Variants in LAS1L observed in about 807,000 individuals in gnomAD.
LAS1L encodes ribosomal biogenesis protein LAS1L.
Under a neutral mutation model 57.3 loss-of-function variants are expected in LAS1L, and 5 were observed. That is an observed-to-expected ratio of 0.09 (90% CI 0.05 to 0.18). The LOEUF is 0.18. Ranked by LOEUF, LAS1L falls within the 10% of genes least tolerant of loss-of-function variation. LAS1L has a pLI of 1.00. For synonymous variants in LAS1L, 245 were observed against 231.7 expected (o/e 1.06, Z -0.52); for missense variants, 360 against 568.3 (o/e 0.63, Z 3.73).
rs1206113582 is a variant in LAS1L, at chrX:65,521,032, A to G, written c.1448+2528T>C. ...TCTCCTCCCAATTGCCCACCCATCC[A>G]CATCACTTCTAGTCTGGAGCACACA... On this transcript the variant is annotated intron_variant, in intron 11 of 13. Transcript: ENST00000374811. The G allele has an allele frequency of 4.0e-6, 3 of 751,790 alleles. No individual in the cohort carries two copies. The East Asian group carries it at 4.6e-4, about 114-fold the overall frequency. 62.0% of individuals were successfully genotyped at this position (751,790 alleles called of 1,213,427 possible). A position where few individuals can be genotyped will look rare whatever the true frequency, so the allele number is the denominator to read the frequency against.
chrX:65,520,917 C>T (rs2068823785), intron 11 of LAS1L: 1 of 752,108 alleles, frequency 1.3e-6, no homozygotes, highest in Non-Finnish European at 1.6e-6. Context: ...CATGTTCCTT[C>T]TGGACTTTGA....
At chrX:65,521,219 G>A in intron 11 of LAS1L, 1 of 752,720 alleles carries the variant, frequency 1.3e-6, no homozygotes, top group Non-Finnish European at 1.6e-6. Context: ...GGACTAAGAG[G>A]GTCTTGGCAT....
In LAS1L at chrX:65,528,285, G is replaced by T; in HGVS notation, c.931C>A (p.Leu311Ile). Reference protein sequence around the residue: ...SPRVECVLAELKGVTCENREA... With the variant: ...SPRVECVLAEIKGVTCENREA... Reference sequence around the variant, plus strand: ...CTGTTCTCGCATGTAACGCCCTTGAGCTCTGCCAGGACACATTCTACACGT... The same window carrying T: ...CTGTTCTCGCATGTAACGCCCTTGATCTCTGCCAGGACACATTCTACACGT... Residue 311 changes from leucine to isoleucine, a missense_variant, in exon 7 of 14, where the codon CTC (leucine) becomes ATC (isoleucine). Coordinates refer to ENST00000374811, the MANE Select transcript of LAS1L (RefSeq NM_031206.7). The T allele has an allele frequency of 8.3e-7, 1 of 1,200,038 alleles. No individual in the cohort carries two copies. The highest frequency in any genetic ancestry group is 1.1e-6 in the Non-Finnish European group (1 of 886,895).
chrX:65,525,556 C>A (rs1479041676), intron 7 of LAS1L, among the ~76,000 whole-genome samples: 1 of 109,336 alleles, frequency 9.1e-6, no homozygotes. Context: ...CAAATATGGT[C>A]CATAGGCCTT....
At position 65,529,408 on chromosome X, in the gene LAS1L, T is replaced by C. The variant is rs1280314876; in HGVS notation, c.800-150A>G. The C allele has an allele frequency of 9.1e-5, 62 of 684,014 alleles. 1 individual carries two copies. Among genetic ancestry groups the C allele is most frequent in the Middle Eastern group, 6.9e-4 (2 of 2,911 alleles). The allele number at this position is 684,014 out of a possible 1,213,427, so 56.4% of individuals were successfully genotyped here. A position where few individuals can be genotyped will look rare whatever the true frequency, so the allele number is the denominator to read the frequency against. ...ACTTCACAGGGCTCAAGATGGTTTG[T>C]GAGGCAAATGTGACAGCCATTATAC... On this transcript the variant is annotated intron_variant, in intron 5 of 13. Transcript: ENST00000374811.
chrX:65,532,659 AG>A (rs1360937705), intron 2 of LAS1L, 29 bp from the exon 3 acceptor site: 27 of 1,043,746 alleles, frequency 2.6e-5, no homozygotes, highest in Non-Finnish European at 3.2e-5. Flanking sequence ...TAAGTGGCAC[AG>A]CCCAAGGAAC....
intron 11 of LAS1L, among the ~76,000 whole-genome samples, chrX:65,519,574 T>C (rs2148273519): frequency 9.0e-6 from 1 of 111,554 alleles, no homozygotes. Flanking sequence ...TTAAAGATGA[T>C]GACACTGTGC....
intron 6 of LAS1L, 35 bp from the exon 7 acceptor site, chrX:65,528,404 T>C: frequency 6.6e-6 from 6 of 911,485 alleles, no homozygotes; most frequent in Non-Finnish European, 9.4e-6. Flanking sequence ...GAAGGCTGGT[T>C]CAGCCAAGCA....
Position 65,534,463 on chromosome X carries a change from C to T in LAS1L, c.236+17G>A. On this transcript the variant is annotated intron_variant, in intron 1 of 13. Transcript: ENST00000374811. ...GCCACCAGCACGCAGGCAAAAGGGCCGAACCCGCCACCTTACCTGCTCCTC... is the reference window on the plus strand; with the variant it reads ...GCCACCAGCACGCAGGCAAAAGGGCTGAACCCGCCACCTTACCTGCTCCTC... The T allele has an allele frequency of 8.6e-7, 1 of 1,165,713 alleles. No individual in the cohort carries two copies. The highest frequency in any genetic ancestry group is 1.9e-5 in the South Asian group (1 of 53,211).
At chrX:65,521,653 G>A (rs960076807) in intron 11 of LAS1L, 3 of 111,965 alleles carry the variant, frequency 2.7e-5, no homozygotes, top group African/African-American at 6.5e-5. Context: ...ACATGTAGTC[G>A]AGTACAGGAG....
chrX:65,528,928 G>A (rs1367984828), intron 6 of LAS1L, among the ~76,000 whole-genome samples: 1 of 111,990 alleles, frequency 8.9e-6, no homozygotes, highest in African/African-American at 3.2e-5. Context: ...CGGAATTGCA[G>A]GGCTGCGCAA....
chrX:65,534,446 C>A (rs376540688), intron 1 of LAS1L, 34 bp downstream of exon 1: 3 of 1,059,851 alleles, frequency 2.8e-6, no homozygotes, highest in Non-Finnish European at 3.9e-6. Context: ...GCGCCACCAG[C>A]ACGCAGGCAA....
At chrX:65,522,284 A>C (rs2068887690) in intron 11 of LAS1L, 1 of 110,250 alleles carries the variant, frequency 9.1e-6, no homozygotes, top group Non-Finnish European at 1.9e-5. Flanking sequence ...TGCTCGAGGA[A>C]GCTAGGGTGA....
intron 11 of LAS1L, chrX:65,522,111 G>A (rs2068875875): frequency 9.0e-6 from 1 of 111,410 alleles, no homozygotes; most frequent in Admixed American, 9.5e-5. Context: ...TGAGGCCCCA[G>A]CGATGCTGGC....
rs778041534 is a variant in LAS1L, at chrX:65,523,422, T to C, written c.1448+138A>G. On this transcript the variant is annotated intron_variant, in intron 11 of 13. Coordinates refer to ENST00000374811, the MANE Select transcript of LAS1L (RefSeq NM_031206.7). ...CTACCCCTCCCCTCTCTGGACTCAG[T>C]TGTCCCATCTGTCAGTGGGAGTGAG... 7 of 601,789 alleles carry C rather than the reference T, an allele frequency of 1.2e-5. No individual in the cohort carries two copies. In the Admixed American group the frequency reaches 2.9e-4, roughly 25 times the overall value. The allele number at this position is 601,789 out of a possible 1,213,427, so 49.6% of individuals were successfully genotyped here.
At position 65,533,918 on chromosome X, in the gene LAS1L, C is replaced by T. The variant is rs547439681; in HGVS notation, c.237-183G>A. ...CTGTGGGATCCAACAGTATACAGGG[C>T]ATGAGGAGCTGACTAGGCCGTATAC... On this transcript the variant is annotated intron_variant, in intron 1 of 13. Transcript: ENST00000374811. Among the ~76,000 whole-genome samples the T allele has an allele frequency of 7.1e-5, 8 of 111,902 alleles. No individual in the cohort carries two copies. In the South Asian group the frequency reaches 2.2e-3, roughly 31 times the overall value.
rs756011141 is a variant in LAS1L, at chrX:65,512,842, TTGC to T, written c.2135_2137del (p.Ser712del). ...CTGGCTCCAGAGAAGGCCCTCGAAGTTGCTGCTGCTGCTGTTGCTGCAGTTGCC... is the reference window on the plus strand; with the variant it reads ...CTGGCTCCAGAGAAGGCCCTCGAAGTTGCTGCTGCTGTTGCTGCAGTTGCC... On this transcript the variant is annotated inframe_deletion, in exon 14 of 14. Coordinates refer to ENST00000374811, the MANE Select transcript of LAS1L (RefSeq NM_031206.7). The T allele has an allele frequency of 2.6e-6, 3 of 1,166,013 alleles. No homozygotes were observed. The African/African-American group carries it at 5.4e-5, about 21-fold the overall frequency.
intron 11 of LAS1L, chrX:65,518,753 C>G (rs1235601410): frequency 9.4e-5 from 65 of 691,632 alleles, no homozygotes; most frequent in Non-Finnish European, 1.1e-4. Context: ...GAATGCCTGG[C>G]ACAGTGCCTG....
chrX:65,527,726 T>C (rs1307655957), intron 7 of LAS1L, among the ~76,000 whole-genome samples: 1 of 104,988 alleles, frequency 9.5e-6, no homozygotes, highest in African/African-American at 3.5e-5. Context: ...CCAGCTACTC[T>C]GGTGGCTGAG....
Sources: allele counts gnomAD v4.1 joint callset (sites outside exome capture counted in the v4.1 genomes callset), GRCh38; gene constraint gnomAD v4.1.1; transcripts MANE v1.5; gene names NCBI Gene and HGNC (gene_info 2026-07-23, HGNC 2026-07-21).